The following MORC1 variants were observed in gnomAD, a reference collection of about 807,000 sequenced individuals.
MORC1 encodes the protein MORC family CW-type zinc finger protein 1.
MORC1 carries 59 observed loss-of-function variants against 134.9 expected under a neutral mutation model. That is an observed-to-expected ratio of 0.44 (90% CI 0.35 to 0.54). The LOEUF (loss-of-function observed/expected upper bound fraction) is 0.54, where lower values mean the gene tolerates loss of function less well. Ranked by LOEUF, MORC1 falls within the 20% of genes least tolerant of loss-of-function variation. The pLI, the probability that MORC1 is intolerant of heterozygous loss-of-function variation, is 0.00. For missense variants in MORC1, 947 were observed against 1,134.5 expected (o/e 0.83, Z 2.37); for synonymous variants, 395 against 391.7 (o/e 1.01, Z -0.10).
intron 17 of MORC1, among the ~76,000 whole-genome samples, chr3:109,019,914 A>G (rs768540535): frequency 6.6e-6 from 1 of 152,232 alleles, no homozygotes; most frequent in Non-Finnish European, 1.5e-5. Flanking sequence ...AGAGAAGGGA[A>G]TTGGAAATAT....
chr3:109,070,704 A>C (rs1355530342), intron 8 of MORC1, among the ~76,000 whole-genome samples: 1 of 152,216 alleles, frequency 6.6e-6, no homozygotes, highest in East Asian at 1.9e-4. Context: ...GCCCGTCTAA[A>C]GGGGAACTAC....
At chr3:109,006,991 C>T in intron 18 of MORC1, 38 bp downstream of exon 18, 1 of 1,530,194 alleles carries the variant, frequency 6.5e-7, no homozygotes, top group Middle Eastern at 1.7e-4. Context: ...ATGGTTAAAA[C>T]ATGACACAAA....
At chr3:108,970,709 C>T (rs964681365) in intron 25 of MORC1, among the ~76,000 whole-genome samples, 5 of 152,200 alleles carry the variant, frequency 3.3e-5, no homozygotes, top group African/African-American at 1.2e-4. Flanking sequence ...CTCTTCCCTC[C>T]ACTTCTGCTG....
At chr3:109,059,370 G>A (rs1053289495) in intron 12 of MORC1, among the ~76,000 whole-genome samples, 2 of 151,926 alleles carry the variant, frequency 1.3e-5, no homozygotes, top group Admixed American at 6.6e-5. Flanking sequence ...ATACATTCAC[G>A]TGAAACATTA....
intron 22 of MORC1, among the ~76,000 whole-genome samples, chr3:108,986,666 C>G (rs948532487): frequency 6.6e-6 from 1 of 152,090 alleles, no homozygotes; most frequent in African/African-American, 2.4e-5. Flanking sequence ...ACACTGTCCT[C>G]AGCCAGAAAG....
chr3:109,048,883 C>T (rs1425290286), intron 14 of MORC1, among the ~76,000 whole-genome samples: 1 of 152,024 alleles, frequency 6.6e-6, no homozygotes, highest in Non-Finnish European at 1.5e-5. Context: ...CAAATACAGC[C>T]CGAGCTACTG....
At position 108,963,721 on chromosome 3, in the gene MORC1, C is replaced by T. The variant is rs1210248326; in HGVS notation, c.2605-113G>A. ...GCCTACATGTACCAAGTGTCAACTT[C>T]GTAGGTGGTCTAAATTTAGGAAATA... is the stretch of plus-strand genomic sequence containing the variant. On this transcript the variant is annotated intron_variant, in intron 26 of 27. Transcript: ENST00000232603. The T allele has an allele frequency of 3.9e-5, 27 of 690,946 alleles. No individual in the cohort carries two copies. In the South Asian group the frequency reaches 4.8e-4, roughly 12 times the overall value. 42.8% of individuals were successfully genotyped at this position (690,946 alleles called of 1,614,324 possible). A position where few individuals can be genotyped will look rare whatever the true frequency, so the allele number is the denominator to read the frequency against.
intron 23 of MORC1, among the ~76,000 whole-genome samples, chr3:108,981,257 C>G (rs1947710705): frequency 6.6e-6 from 1 of 151,980 alleles, no homozygotes; most frequent in Non-Finnish European, 1.5e-5. Flanking sequence ...GATCACAGCT[C>G]TAGAGAATTT....
At chr3:109,004,770 A>G (rs1347795454) in intron 20 of MORC1, 47 bp downstream of exon 20, 1 of 1,529,222 alleles carries the variant, frequency 6.5e-7, no homozygotes, top group Non-Finnish European at 9.0e-7. Flanking sequence ...GGTTTATCCT[A>G]TATGAATATT....
In MORC1 at chr3:108,991,383, C is replaced by T. The variant is rs118006900; in HGVS notation, c.2188-4434G>A. 2.6e-5 allele frequency among the ~76,000 whole-genome samples: 4 copies of T among 152,228 alleles called. No homozygotes were observed. In the East Asian group the frequency reaches 7.7e-4, roughly 29 times the overall value. On this transcript the variant is annotated intron_variant, in intron 21 of 27. Coordinates refer to ENST00000232603, the MANE Select transcript of MORC1 (RefSeq NM_014429.4). ...TTTAAAGGTTGATTCAGCAAGATTG[C>T]CTGATGGGTTGAGTGCAGGATGAGA... is the stretch of plus-strand genomic sequence containing the variant.
At chr3:109,006,799 T>A (rs1576624453) in intron 18 of MORC1, among the ~76,000 whole-genome samples, 1 of 152,230 alleles carries the variant, frequency 6.6e-6, no homozygotes, top group East Asian at 1.9e-4. Flanking sequence ...AAGGTTTTTA[T>A]GTGCAGGAAG....
chr3:108,980,315 T>C (rs1222474229), intron 23 of MORC1, among the ~76,000 whole-genome samples: 1 of 152,172 alleles, frequency 6.6e-6, no homozygotes, highest in East Asian at 1.9e-4. Flanking sequence ...AGGTAACAGT[T>C]GATTTACAAT....
At chr3:109,081,181 A>G (rs561989810) in intron 8 of MORC1, among the ~76,000 whole-genome samples, 1 of 152,306 alleles carries the variant, frequency 6.6e-6, no homozygotes, top group South Asian at 2.1e-4. Flanking sequence ...AAAACAAAGA[A>G]AAATGTTGAC....
At chr3:109,005,736 T>C (rs1047312341) in intron 18 of MORC1, among the ~76,000 whole-genome samples, 5 of 152,222 alleles carry the variant, frequency 3.3e-5, no homozygotes, top group African/African-American at 1.2e-4. Flanking sequence ...AGATCTAGAA[T>C]ACATGTGCCT....
intron 7 of MORC1, 121 bp downstream of exon 7, chr3:109,094,788 C>A: frequency 2.2e-6 from 2 of 909,186 alleles, no homozygotes; most frequent in East Asian, 3.2e-5. Flanking sequence ...AATGACTGTC[C>A]CCAGTGTGAA....
intron 14 of MORC1, among the ~76,000 whole-genome samples, chr3:109,036,293 A>T (rs1215347092): frequency 1.3e-5 from 2 of 151,806 alleles, no homozygotes; most frequent in Non-Finnish European, 2.9e-5. Flanking sequence ...TATATATATC[A>T]AAGAGTATCC....
chr3:109,104,033 T>C (rs904968571), intron 3 of MORC1, 116 bp from the exon 4 acceptor site: 20 of 939,626 alleles, frequency 2.1e-5, no homozygotes, highest in Non-Finnish European at 3.4e-5. Flanking sequence ...GTGACAGAGT[T>C]ATGGCACAAA....
intron 8 of MORC1, among the ~76,000 whole-genome samples, chr3:109,092,465 AAAC>A (rs1950750211): frequency 1.3e-5 from 2 of 152,154 alleles, no homozygotes; most frequent in South Asian, 4.1e-4. Context: ...CTTAGTCTAA[AAAC>A]ATATGGTAGC....
At chr3:109,009,197 GTTTTTTGTTGTTTT>G (rs989631699) in intron 17 of MORC1, among the ~76,000 whole-genome samples, 2 of 133,810 alleles carry the variant, frequency 1.5e-5, no homozygotes, top group Non-Finnish European at 3.3e-5. Context: ...CTATTTTTAC[GTTTTTTGTTGTTTT>G]TTTTTTTTTT....
Sources: gnomAD v4.1 joint callset for allele counts (sites outside exome capture counted in the v4.1 genomes callset) on GRCh38, gnomAD v4.1.1 for gene constraint, MANE v1.5 for transcripts, NCBI Gene and HGNC (gene_info 2026-07-23, HGNC 2026-07-21) for gene names.